The following TTI2 variants were observed in gnomAD, a reference collection of about 807,000 sequenced individuals.
TTI2 encodes TELO2-interacting protein 2.
A neutral mutation model predicts 44.9 loss-of-function variants in TTI2; 26 were observed. The observed-to-expected ratio is 0.58, with a 90% CI of 0.42 to 0.80. The LOEUF (loss-of-function observed/expected upper bound fraction) is 0.80. TTI2 is among the 30% of genes least tolerant of loss of function. The probability of loss-of-function intolerance (pLI) is 0.00; values close to 1 mark genes in which losing one functional copy is unlikely to be tolerated. For synonymous variants in TTI2, 254 were observed against 250.9 expected (o/e 1.01, Z -0.12); for missense variants, 582 against 611.6 (o/e 0.95, Z 0.51).
At chr8:33,505,415 C>A (rs554524623) in intron 4 of TTI2, among the ~76,000 whole-genome samples, 2 of 152,100 alleles carry the variant, frequency 1.3e-5, no homozygotes, top group African/African-American at 2.4e-5. Context: ...CTAAGTATCA[C>A]CTCCTTCCCA....
chr8:33,507,406 A>AT, intron 3 of TTI2, 85 bp from the exon 4 acceptor site: 1 of 1,173,796 alleles, frequency 8.5e-7, no homozygotes, highest in Admixed American at 1.9e-5. Flanking sequence ...GATTATGGGT[A>AT]TGAAGCATGA....
At chr8:33,508,087 TAAAAAAAAAA>T (rs58891946) in intron 3 of TTI2, among the ~76,000 whole-genome samples, 894 of 19,484 alleles carry the variant, frequency 0.046, 6 homozygotes, top group Middle Eastern at 0.1. Flanking sequence ...CTAGCGGTAG[TAAAAAAAAAA>T]AAAAAAAAAA....
intron 4 of TTI2, among the ~76,000 whole-genome samples, chr8:33,505,943 A>T (rs1279794653): frequency 3.3e-5 from 5 of 152,124 alleles, no homozygotes; most frequent in Admixed American, 6.6e-5. Flanking sequence ...GTGAGCAACC[A>T]TGCCCAGCAA....
At chr8:33,511,075 C>A (rs957628277) in intron 2 of TTI2, among the ~76,000 whole-genome samples, 1 of 152,140 alleles carries the variant, frequency 6.6e-6, no homozygotes, top group Non-Finnish European at 1.5e-5. Context: ...CGATGTCTTG[C>A]TCTGTTGCCC....
At chr8:33,508,538 G>A (rs1285349418) in intron 3 of TTI2, among the ~76,000 whole-genome samples, 1 of 147,908 alleles carries the variant, frequency 6.8e-6, no homozygotes, top group Non-Finnish European at 1.5e-5. Flanking sequence ...TTGAACCCGG[G>A]AGGCAGAGGT....
rs746960053 is a variant in TTI2, at chr8:33,512,643, C to G, written c.-30G>C. On this transcript the variant is annotated 5_prime_UTR_variant, in exon 2 of 8. Transcript: ENST00000431156. ...GACTGCAGCACCAGAAGGCTGGTCT[C>G]TCCCACAGAACGAGGATGGAGGCGG... 29 of 1,609,092 alleles carry G rather than the reference C, an allele frequency of 1.8e-5. No homozygotes were observed. The East Asian group carries it at 5.8e-4, about 32-fold the overall frequency.
At chr8:33,511,279 G>A (rs1329938783) in intron 2 of TTI2, among the ~76,000 whole-genome samples, 2 of 151,962 alleles carry the variant, frequency 1.3e-5, no homozygotes, top group Non-Finnish European at 2.9e-5. Flanking sequence ...CTGACCTTAA[G>A]TGATCCACCC....
chr8:33,500,301 C>A, intron 7 of TTI2, 27 bp downstream of exon 7: 1 of 1,613,846 alleles, frequency 6.2e-7, no homozygotes, highest in Non-Finnish European at 8.5e-7. Flanking sequence ...TGAGGCCCAA[C>A]TGAAACCAAG....
At chr8:33,505,106 C>T in intron 4 of TTI2, among the ~76,000 whole-genome samples, 1 of 152,070 alleles carries the variant, frequency 6.6e-6, no homozygotes, top group Non-Finnish European at 1.5e-5. Flanking sequence ...GCCTGTAATC[C>T]CAGCTACTAG....
At chr8:33,511,612 G>A (rs1809530231) in intron 2 of TTI2, among the ~76,000 whole-genome samples, 1 of 152,124 alleles carries the variant, frequency 6.6e-6, no homozygotes, top group Non-Finnish European at 1.5e-5. Flanking sequence ...GCTAGGGCAG[G>A]CGCAGTGGCT....
At position 33,500,363 on chromosome 8, in the gene TTI2, TCA is replaced by T. The variant is rs1362482472; in HGVS notation, c.1385_1386del (p.Leu462HisfsTer23). The T allele has an allele frequency of 6.2e-7, 1 of 1,614,060 alleles. No individual in the cohort carries two copies. Among genetic ancestry groups the T allele is most frequent in the East Asian group, 2.2e-5 (1 of 44,900 alleles). On this transcript the variant is annotated frameshift_variant, in exon 7 of 8. Coordinates refer to ENST00000431156, the MANE Select transcript of TTI2 (RefSeq NM_001102401.4). LOFTEE classifies it low-confidence loss of function (END_TRUNC). ...CCTTGAGAACAGCGGTCCAGGAGAA[TCA>T]GGCAGTCTGTGGCCTCCTGTAGCAG... ...SALLQEATDCLILLDRCSQGR... is the reference protein window; with the variant it reads ...SALLQEATDCXILLDRCSQGR...
At position 33,509,726 on chromosome 8, in the gene TTI2, A is replaced by T. The variant is rs368316835; in HGVS notation, c.834+20T>A. The T allele has an allele frequency of 2.5e-6, 4 of 1,612,794 alleles. No homozygotes were observed. Among genetic ancestry groups the T allele is most frequent in the Admixed American group, 3.3e-5 (2 of 60,000 alleles). ...TCAGTCTGTCCTGTCAACACAGATGACAAGCCAGAGGTTGCTTACCACATT... is the reference window on the plus strand; with the variant it reads ...TCAGTCTGTCCTGTCAACACAGATGTCAAGCCAGAGGTTGCTTACCACATT... On this transcript the variant is annotated intron_variant, in intron 3 of 7. Transcript: ENST00000431156.
rs1391717175 is a variant in TTI2 at position 33,507,291 on chromosome 8, C to T, written c.865G>A (p.Ala289Thr). 6.2e-7 allele frequency: 1 copy of T among 1,614,140 alleles called. No homozygotes were observed. The highest frequency in any genetic ancestry group is 1.1e-5 in the South Asian group (1 of 91,088). Residue 289 changes from alanine to threonine, a missense_variant, in exon 4 of 8, where the codon GCC (alanine) becomes ACC (threonine). Coordinates refer to ENST00000431156, the MANE Select transcript of TTI2 (RefSeq NM_001102401.4). Reference protein sequence around the residue: ...PAADLLQYNRAQVLYHAISNH... With the variant: ...PAADLLQYNRTQVLYHAISNH... ...GAAATGGCATGGTATAGGACCTGGG[C>T]TCTGTTATACTGGAGCAAATCAGCA...
Position 33,499,281 on chromosome 8 carries a change from A to C in TTI2, c.1423-4T>G. On this transcript the variant is annotated splice_region_variant and splice_polypyrimidine_tract_variant and intron_variant, in intron 7 of 7. Coordinates refer to ENST00000431156, the MANE Select transcript of TTI2 (RefSeq NM_001102401.4). ...GGGGAATTTTGGCCAGGAGACCCTGAAACATGAAACCAAACAGGCTTTGAT... is the reference window on the plus strand; with the variant it reads ...GGGGAATTTTGGCCAGGAGACCCTGCAACATGAAACCAAACAGGCTTTGAT... 1 of 1,603,028 alleles carries C rather than the reference A, an allele frequency of 6.2e-7. No homozygotes were observed. The highest frequency in any genetic ancestry group is 1.1e-5 in the South Asian group (1 of 90,832).
chr8:33,503,600 C>G, intron 5 of TTI2, 28 bp from the exon 6 acceptor site: 1 of 1,612,674 alleles, frequency 6.2e-7, no homozygotes, highest in Non-Finnish European at 8.5e-7. Flanking sequence ...AATATGACGC[C>G]AGTGCAGTGG....
rs1485460710 is a variant in TTI2, at chr8:33,498,774, T to C, written c.*399A>G. ...TTGTGTTTTTATTATTTATGCCACG[T>C]CAGTGGGGCAAGAAATCTGGAGTGA... On this transcript the variant is annotated 3_prime_UTR_variant, in exon 8 of 8. Coordinates refer to ENST00000431156, the MANE Select transcript of TTI2 (RefSeq NM_001102401.4). 1.4e-6 allele frequency: 1 copy of C among 721,376 alleles called. No individual in the cohort carries two copies. Among genetic ancestry groups the C allele is most frequent in the South Asian group, 2.0e-5 (1 of 50,884 alleles). 44.7% of individuals were successfully genotyped at this position (721,376 alleles called of 1,614,324 possible).
chr8:33,510,981 C>A (rs1809507339), intron 2 of TTI2, among the ~76,000 whole-genome samples: 2 of 152,114 alleles, frequency 1.3e-5, no homozygotes, highest in Non-Finnish European at 2.9e-5. Flanking sequence ...GATTCAAGAT[C>A]CCCAAGTCTA....
At chr8:33,509,084 AG>A (rs1274701277) in intron 3 of TTI2, among the ~76,000 whole-genome samples, 1 of 146,422 alleles carries the variant, frequency 6.8e-6, no homozygotes, top group Non-Finnish European at 1.5e-5. Flanking sequence ...CAGAGGCTGC[AG>A]TGAGCCAAGA....
intron 3 of TTI2, among the ~76,000 whole-genome samples, chr8:33,509,385 G>C (rs1230794493): frequency 6.8e-6 from 1 of 148,026 alleles, no homozygotes; most frequent in African/African-American, 2.5e-5. Flanking sequence ...AAACCTAAGA[G>C]GTGGAGGTTG....
Sources: gnomAD v4.1 joint callset for allele counts (sites outside exome capture counted in the v4.1 genomes callset) on GRCh38, gnomAD v4.1.1 for gene constraint, MANE v1.5 for transcripts, NCBI Gene and HGNC (gene_info 2026-07-23, HGNC 2026-07-21) for gene names.